VPS13D: variants seen among roughly 807,000 people sequenced by gnomAD.
VPS13D encodes the protein vacuolar protein sorting 13 homolog D, also known as intermembrane lipid transfer protein VPS13D.
VPS13D carries 187 observed loss-of-function variants against 461.9 expected under a neutral mutation model. That is an observed-to-expected ratio of 0.40 (90% CI 0.36 to 0.46). The LOEUF is 0.46. Among genes scored for constraint, VPS13D ranks in the 20% least tolerant of loss-of-function variants. The pLI, the probability that VPS13D is intolerant of heterozygous loss-of-function variation, is 0.60. For synonymous variants in VPS13D, 1,951 were observed against 1,986.3 expected (o/e 0.98, Z 0.47); for missense variants, 4,711 against 5,364.9 (o/e 0.88, Z 3.81).
intron 63 of VPS13D, among the ~76,000 whole-genome samples, chr1:12,408,881 G>A (rs769441856): frequency 5.3e-5 from 8 of 151,944 alleles, no homozygotes; most frequent in Admixed American, 4.6e-4. Flanking sequence ...TTCTGTTTTC[G>A]TTTATTCTAC....
At chr1:12,355,407 A>G (rs899407587) in intron 47 of VPS13D, among the ~76,000 whole-genome samples, 6 of 152,248 alleles carry the variant, frequency 3.9e-5, no homozygotes, top group African/African-American at 1.4e-4. Flanking sequence ...GGTGTATTTC[A>G]TAAGAGCTAG....
At chr1:12,353,316 G>A (rs1037640989) in intron 46 of VPS13D, among the ~76,000 whole-genome samples, 2 of 151,968 alleles carry the variant, frequency 1.3e-5, no homozygotes, top group African/African-American at 4.8e-5. Context: ...GGCAGATCAC[G>A]AGGTCAGGAG....
At chr1:12,373,335 G>A (rs1644151824) in intron 54 of VPS13D, among the ~76,000 whole-genome samples, 1 of 151,754 alleles carries the variant, frequency 6.6e-6, no homozygotes, top group African/African-American at 2.4e-5. Flanking sequence ...TGGTCAGGCT[G>A]GTTTCGAACT....
At chr1:12,247,141 T>C (rs1432185208) in intron 5 of VPS13D, among the ~76,000 whole-genome samples, 2 of 152,144 alleles carry the variant, frequency 1.3e-5, no homozygotes, top group Non-Finnish European at 2.9e-5. Context: ...ACATTTATTA[T>C]TGATTATGGG....
chr1:12,237,435 T>C (rs1023791573), intron 2 of VPS13D, among the ~76,000 whole-genome samples: 5 of 150,922 alleles, frequency 3.3e-5, no homozygotes, highest in South Asian at 4.2e-4. Flanking sequence ...TGAGGTTGCA[T>C]TGAGTTGTGT....
Position 12,256,435 on chromosome 1 carries a change from C to T in VPS13D, c.772C>T (p.Arg258Trp), listed in dbSNP as rs200178194. ...GAGAAACTGCTCCAAGAAGCCCCTGCGGTCTCGGCACAGTCCCCGTATTGA... is the reference window on the plus strand; with the variant it reads ...GAGAAACTGCTCCAAGAAGCCCCTGTGGTCTCGGCACAGTCCCCGTATTGA... ...LKRNCSKKPL[R>W]SRHSPRIDCD... The change falls in exon 8 of 70, where the codon CGG becomes TGG. Residue 258 changes from arginine to tryptophan, a missense_variant. Transcript: ENST00000620676. The T allele has an allele frequency of 2.7e-5, 44 of 1,614,018 alleles. No homozygotes were observed. The highest frequency in any genetic ancestry group is 3.4e-5 in the Non-Finnish European group (40 of 1,180,014).
chr1:12,426,894 A>C (rs1644930306), intron 65 of VPS13D, among the ~76,000 whole-genome samples: 1 of 152,032 alleles, frequency 6.6e-6, no homozygotes, highest in African/African-American at 2.4e-5. Flanking sequence ...GGCGCCTGTA[A>C]TCCCAGCTAC....
In VPS13D at chr1:12,261,020, A is replaced by T; in HGVS notation, c.1285A>T (p.Met429Leu). ...GAPEPGGGSG[M>L]LQYLQSWFPG... ...CCCAGAACCCGGTGGAGGCAGTGGG[A>T]TGCTGCAGTATCTCCAGTCCTGGTT... Residue 429 changes from methionine to leucine, a missense_variant, in exon 12 of 70, where the codon ATG (methionine) becomes TTG (leucine). Physicochemically the swap from Met to Leu is conservative, Grantham distance 15 (BLOSUM62 2). This residue lies in a region of VPS13D where 4,411 missense variants were observed against 4,937.8 expected (regional missense o/e 0.89). Coordinates refer to ENST00000620676, the MANE Select transcript of VPS13D (RefSeq NM_015378.4). 1 of 1,614,002 alleles carries T rather than the reference A, an allele frequency of 6.2e-7. No individual in the cohort carries two copies. The highest frequency in any genetic ancestry group is 1.7e-5 in the Admixed American group (1 of 60,026).
intron 61 of VPS13D, among the ~76,000 whole-genome samples, chr1:12,400,680 C>G (rs1231944606): frequency 2.6e-5 from 4 of 152,148 alleles, no homozygotes; most frequent in Non-Finnish European, 5.9e-5. Context: ...CAGCTGGGCT[C>G]ACTGGCTCTC....
chr1:12,409,893 A>G (rs1644701070), intron 63 of VPS13D: 1 of 456,242 alleles, frequency 2.2e-6, no homozygotes, highest in Non-Finnish European at 4.4e-6. Flanking sequence ...AAACTCAGTA[A>G]GGTGAGCCCA....
intron 30 of VPS13D, among the ~76,000 whole-genome samples, chr1:12,317,080 G>A (rs1642908553): frequency 6.9e-6 from 1 of 145,480 alleles, no homozygotes; most frequent in African/African-American, 2.6e-5. Context: ...GTTCTCCTCG[G>A]GCCAAAAGAT....
chr1:12,231,055 C>G (rs1639956745), intron 1 of VPS13D, among the ~76,000 whole-genome samples: 1 of 152,186 alleles, frequency 6.6e-6, no homozygotes, highest in Admixed American at 6.5e-5. Context: ...ACGCCCAGGT[C>G]CGGTTGCCAG....
chr1:12,446,877 C>G (rs1288976098), intron 65 of VPS13D, among the ~76,000 whole-genome samples: 14 of 152,162 alleles, frequency 9.2e-5, no homozygotes, highest in Non-Finnish European at 7.4e-5. Flanking sequence ...GTAATGTAAG[C>G]TGGTGTGGTG....
rs1431345800 is a variant in VPS13D, at chr1:12,381,976, TTCTTTCTCTC to T, written c.11191-996_11191-987del. Among the ~76,000 whole-genome samples the T allele has an allele frequency of 1.7e-4, 23 of 138,758 alleles. 1 individual carries two copies. The highest frequency in any genetic ancestry group is 6.1e-4 in the African/African-American group (22 of 36,020). 91.0% of individuals were successfully genotyped at this position (138,758 alleles called of 152,430 possible). On this transcript the variant is annotated intron_variant, in intron 57 of 69. Coordinates refer to ENST00000620676, the MANE Select transcript of VPS13D (RefSeq NM_015378.4). ...TTTCTTTCTTTCTTTCTTTCTTTCT[TTCTTTCTCTC>T]TCTCTCTCTCCTTCCTTCCTTTCTT...
intron 25 of VPS13D, among the ~76,000 whole-genome samples, chr1:12,302,179 A>C (rs1228956005): frequency 1.3e-5 from 2 of 152,232 alleles, no homozygotes; most frequent in African/African-American, 2.4e-5. Flanking sequence ...GCTGCATTAT[A>C]ATCTTACGGG....
intron 67 of VPS13D, among the ~76,000 whole-genome samples, chr1:12,479,789 A>G (rs1403621052): frequency 6.6e-6 from 1 of 152,234 alleles, no homozygotes; most frequent in Non-Finnish European, 1.5e-5. Context: ...TATGAAGGGT[A>G]GGAGCTTAAT....
rs757877110 is a variant in VPS13D at position 12,272,394 on chromosome 1, T to G, written c.2104-609T>G. ...GAATTAGTCCTGTTTTTTGTTTTGG[T>G]GTGTGTGTGTGTGTGTGTGTGTGTG... On this transcript the variant is annotated intron_variant, in intron 17 of 69. Transcript: ENST00000620676. Among the ~76,000 whole-genome samples, 139 of 100,668 alleles carry G rather than the reference T, an allele frequency of 1.4e-3. 1 individual carries two copies. In the East Asian group the frequency reaches 0.031, roughly 22 times the overall value. The allele number at this position is 100,668 out of a possible 152,430, so 66.0% of individuals were successfully genotyped here.
At chr1:12,234,644 A>G (rs2101174229) in intron 2 of VPS13D, among the ~76,000 whole-genome samples, 1 of 152,340 alleles carries the variant, frequency 6.6e-6, no homozygotes, top group Admixed American at 6.5e-5. Context: ...AGCTTTATGA[A>G]GCTTTATGGA....
intron 67 of VPS13D, among the ~76,000 whole-genome samples, chr1:12,469,842 G>A (rs964399208): frequency 2.6e-5 from 4 of 152,212 alleles, no homozygotes; most frequent in Non-Finnish European, 5.9e-5. Context: ...GGTAGTAAGT[G>A]TAGAGCAGAT....
Sources: allele counts gnomAD v4.1 joint callset (sites outside exome capture counted in the v4.1 genomes callset), GRCh38; gene constraint gnomAD v4.1.1; regional missense constraint gnomAD v4.1.1; transcripts MANE v1.5; gene names NCBI Gene and HGNC (gene_info 2026-07-23, HGNC 2026-07-21).